The following TNS3 variants were observed in gnomAD, a reference collection of about 807,000 sequenced individuals.
TNS3 encodes the protein tensin 3, also known as tensin-3.
Under a neutral mutation model 140.9 loss-of-function variants are expected in TNS3, and 45 were observed. The observed-to-expected ratio is 0.32, with a 90% CI of 0.25 to 0.41. The LOEUF (loss-of-function observed/expected upper bound fraction) is 0.41. Ranked by LOEUF, TNS3 falls within the 10% of genes least tolerant of loss-of-function variation. The pLI, the probability that TNS3 is intolerant of heterozygous loss-of-function variation, is 1.00. For missense variants in TNS3, 1,716 were observed against 1,906.7 expected, an observed-to-expected ratio of 0.90 and a Z score of 1.86; for synonymous variants, 815 against 788.4, an observed-to-expected ratio of 1.03 and a Z score of -0.56.
chr7:47,300,560 C>A (rs1465461150), intron 23 of TNS3, among the ~76,000 whole-genome samples: 1 of 152,242 alleles, frequency 6.6e-6, no homozygotes, highest in African/African-American at 2.4e-5. Flanking sequence ...AGGAAGCCAG[C>A]AGTGCACTCC....
At chr7:47,400,537 C>A in intron 14 of TNS3, 79 bp from the exon 15 acceptor site, 1 of 1,439,482 alleles carries the variant, frequency 6.9e-7, no homozygotes, top group Non-Finnish European at 9.7e-7. Context: ...TCCTTTATTC[C>A]AACCAGTACA....
chr7:47,447,246 ATATGTTTGTTTGTT>A (rs1795790339), intron 4 of TNS3, among the ~76,000 whole-genome samples: 1 of 120,810 alleles, frequency 8.3e-6, no homozygotes, highest in South Asian at 2.8e-4. Flanking sequence ...CTGGTTCCAC[ATATGTTTGTTTGTT>A]TGTTTGTTTG....
At chr7:47,452,876 C>A (rs889395427) in intron 4 of TNS3, 6 of 979,404 alleles carry the variant, frequency 6.1e-6, no homozygotes, top group Admixed American at 6.1e-5. Flanking sequence ...CAGGGACAGA[C>A]AAAGTGCCCA....
chr7:47,472,402 A>AGGTGTC (rs1796992207), intron 4 of TNS3, among the ~76,000 whole-genome samples: 1 of 152,206 alleles, frequency 6.6e-6, no homozygotes, highest in South Asian at 2.1e-4. Flanking sequence ...CTGCAAGGCT[A>AGGTGTC]GGTGTCAGTG....
chr7:47,415,877 T>C (rs17172858), intron 10 of TNS3, among the ~76,000 whole-genome samples: 10,258 of 152,262 alleles, frequency 0.067, 772 homozygotes, highest in African/African-American at 0.19. Flanking sequence ...GAGCATTTGG[T>C]GGTCAAGAGG....
intron 17 of TNS3, among the ~76,000 whole-genome samples, chr7:47,365,847 C>T (rs1044592253): frequency 5.3e-5 from 8 of 152,086 alleles, no homozygotes; most frequent in African/African-American, 1.9e-4. Context: ...ATGTGGCTTT[C>T]GAAAATTCCA....
At chr7:47,409,997 G>A (rs116660455) in intron 13 of TNS3, among the ~76,000 whole-genome samples, 1 of 152,300 alleles carries the variant, frequency 6.6e-6, no homozygotes, top group African/African-American at 2.4e-5. Context: ...CCCAGTTCCA[G>A]AGTGGGTGGA....
intron 1 of TNS3, among the ~76,000 whole-genome samples, chr7:47,534,330 C>T (rs1799525943): frequency 6.6e-6 from 1 of 151,774 alleles, no homozygotes; most frequent in Non-Finnish European, 1.5e-5. Flanking sequence ...AAGCAGAAGC[C>T]TTCACATAAG....
intron 8 of TNS3, among the ~76,000 whole-genome samples, chr7:47,429,207 T>G (rs1794807642): frequency 6.6e-6 from 1 of 152,226 alleles, no homozygotes; most frequent in African/African-American, 2.4e-5. Context: ...TGTGAAAATG[T>G]GTTGAAGTTC....
intron 3 of TNS3, among the ~76,000 whole-genome samples, chr7:47,505,717 T>TTGTG (rs58992722): frequency 0.015 from 2,319 of 150,118 alleles, 29 homozygotes; most frequent in Admixed American, 0.025. Context: ...TCTTCCAACT[T>TTGTG]TGTGTGTGTG....
chr7:47,275,838 G>A lies in TNS3; in HGVS notation c.*2238C>T, dbSNP rs748033496. On this transcript the variant is annotated 3_prime_UTR_variant, in exon 31 of 31. Coordinates refer to ENST00000311160, the MANE Select transcript of TNS3 (RefSeq NM_022748.12). ...ACGTTTGCAGGGCTTCCTGAATGCC[G>A]TCGAGGCATGGCTTCATGAGGGCCA... 12 of 455,902 alleles carry A rather than the reference G, an allele frequency of 2.6e-5. No homozygotes were observed. The highest frequency in any genetic ancestry group is 4.7e-5 in the Admixed American group (2 of 42,540). The allele number at this position is 455,902 out of a possible 1,614,324, so 28.2% of individuals were successfully genotyped here.
chr7:47,448,306 G>C (rs1265253209), intron 4 of TNS3, among the ~76,000 whole-genome samples: 2 of 152,200 alleles, frequency 1.3e-5, no homozygotes, highest in Admixed American at 6.5e-5. Flanking sequence ...AAACTTCCTT[G>C]AAGTCCACGA....
At chr7:47,415,434 G>A (rs916460735) in intron 10 of TNS3, among the ~76,000 whole-genome samples, 1 of 152,194 alleles carries the variant, frequency 6.6e-6, no homozygotes, top group Non-Finnish European at 1.5e-5. Context: ...CCGGCCTCTT[G>A]GCTTGAGCAT....
At chr7:47,302,160 A>G (rs1391970613) in intron 23 of TNS3, 26 bp downstream of exon 23, 3 of 1,581,990 alleles carry the variant, frequency 1.9e-6, no homozygotes, top group Admixed American at 3.3e-5. Flanking sequence ...CAGATGCCCA[A>G]GGAGGCCCTC....
intron 1 of TNS3, among the ~76,000 whole-genome samples, chr7:47,578,567 G>T (rs560046252): frequency 3.2e-4 from 48 of 152,136 alleles, no homozygotes; most frequent in Admixed American, 9.8e-4. Context: ...GTTGGGGGGG[G>T]GCGGTGGTTA....
intron 17 of TNS3, among the ~76,000 whole-genome samples, chr7:47,365,174 C>T (rs907616341): frequency 3.3e-5 from 5 of 152,128 alleles, no homozygotes; most frequent in Non-Finnish European, 7.3e-5. Flanking sequence ...GGGCTGGGCG[C>T]GGTGGCTCAT....
chr7:47,457,249 C>T (rs1796300443), intron 4 of TNS3, among the ~76,000 whole-genome samples: 2 of 151,410 alleles, frequency 1.3e-5, no homozygotes, highest in South Asian at 4.2e-4. Context: ...GTAAATACTG[C>T]CACCATGGTT....
intron 27 of TNS3, among the ~76,000 whole-genome samples, chr7:47,286,440 C>T (rs1785424142): frequency 6.6e-6 from 1 of 152,154 alleles, no homozygotes; most frequent in Admixed American, 6.5e-5. Context: ...AGAGAACAGG[C>T]ATGCCTGCGC....
At chr7:47,475,012 C>T (rs1797134560) in intron 4 of TNS3, among the ~76,000 whole-genome samples, 1 of 149,306 alleles carries the variant, frequency 6.7e-6, no homozygotes, top group African/African-American at 2.5e-5. Flanking sequence ...TCACACGCAA[C>T]ACACAACACA....
Sources: gnomAD v4.1 joint callset for allele counts (sites outside exome capture counted in the v4.1 genomes callset) on GRCh38, gnomAD v4.1.1 for gene constraint, MANE v1.5 for transcripts, NCBI Gene and HGNC (gene_info 2026-07-23, HGNC 2026-07-21) for gene names.